LMBRD1: variants seen among roughly 807,000 people sequenced by gnomAD.
The protein encoded by LMBRD1 is lysosomal cobalamin transport escort protein LMBD1.
In LMBRD1, 64 loss-of-function variants were observed where a neutral mutation model predicts 74.8. That is an observed-to-expected ratio of 0.86 (90% CI 0.70 to 1.05). The LOEUF (loss-of-function observed/expected upper bound fraction) is 1.05, where lower values mean the gene tolerates loss of function less well. LMBRD1 is among the 50% of genes least tolerant of loss of function. LMBRD1 has a pLI of 0.00. For missense variants in LMBRD1, 652 were observed against 645.9 expected (o/e 1.01, Z -0.10); for synonymous variants, 204 against 216.3 (o/e 0.94, Z 0.50).
At chr6:69,760,960 C>T (rs1336297544) in intron 3 of LMBRD1, among the ~76,000 whole-genome samples, 1 of 152,168 alleles carries the variant, frequency 6.6e-6, no homozygotes, top group Non-Finnish European at 1.5e-5. Context: ...TACAGTCCCA[C>T]CAGACATCTT....
intron 3 of LMBRD1, among the ~76,000 whole-genome samples, chr6:69,776,784 T>G (rs1188238493): frequency 6.6e-6 from 1 of 152,196 alleles, no homozygotes; most frequent in Non-Finnish European, 1.5e-5. Flanking sequence ...TTTTTAGTAA[T>G]AGATTCACAG....
rs73477459 is a variant in LMBRD1 at position 69,700,823 on chromosome 6, A to G, written c.1130T>C (p.Phe377Ser). The change falls in exon 12 of 16, where the codon TTT becomes TCT. Residue 377 changes from phenylalanine (F) to serine (S), a missense_variant. This residue lies in a region of LMBRD1 where 598 missense variants were observed against 581.8 expected (regional missense o/e 1.03). Transcript: ENST00000649934. ...YILITIIIMYFIFTSMAGIRN... is the reference protein window; with the variant it reads ...YILITIIIMYSIFTSMAGIRN... The stretch of plus-strand genomic sequence containing the variant: ...AATTCCTGCCATTGAAGTAAAAATA[A>G]AGTACATAATAATAATTGTTATAAG... The G allele has an allele frequency of 8.1e-5, 121 of 1,497,326 alleles. No individual in the cohort carries two copies. The African/African-American group carries it at 1.6e-3, about 20-fold the overall frequency. The allele number at this position is 1,497,326 out of a possible 1,614,324, so 92.8% of individuals were successfully genotyped here. A position where few individuals can be genotyped will look rare whatever the true frequency, so the allele number is the denominator to read the frequency against.
At chr6:69,705,969 T>G (rs1766245163) in intron 9 of LMBRD1, 2 of 943,858 alleles carry the variant, frequency 2.1e-6, no homozygotes, top group Non-Finnish European at 1.7e-6. Context: ...TGTAATACAC[T>G]GCCTCTGCTT....
At chr6:69,743,465 C>A (rs574299721) in intron 5 of LMBRD1, among the ~76,000 whole-genome samples, 5 of 152,256 alleles carry the variant, frequency 3.3e-5, no homozygotes, top group Non-Finnish European at 7.4e-5. Context: ...GCAGAATTAT[C>A]TAGCAGTTCA....
At chr6:69,699,639 T>G (rs145720969) in intron 12 of LMBRD1, among the ~76,000 whole-genome samples, 2 of 151,950 alleles carry the variant, frequency 1.3e-5, no homozygotes, top group African/African-American at 4.8e-5. Flanking sequence ...ACTCTGATAA[T>G]CTTACTAAAG....
chr6:69,680,270 T>G (rs1205983488), intron 14 of LMBRD1, among the ~76,000 whole-genome samples: 3 of 152,178 alleles, frequency 2.0e-5, no homozygotes, highest in African/African-American at 7.2e-5. Flanking sequence ...ATTTTACAAG[T>G]ATAAGCCTGT....
At chr6:69,728,081 G>A (rs976450383) in intron 7 of LMBRD1, among the ~76,000 whole-genome samples, 2 of 152,118 alleles carry the variant, frequency 1.3e-5, no homozygotes, top group Non-Finnish European at 2.9e-5. Flanking sequence ...AACTGTACAG[G>A]AAGCATGGTT....
intron 14 of LMBRD1, among the ~76,000 whole-genome samples, chr6:69,693,820 C>T (rs563320471): frequency 5.3e-5 from 8 of 151,952 alleles, no homozygotes; most frequent in African/African-American, 1.4e-4. Flanking sequence ...TTATTATTCA[C>T]TTAAAAAAAC....
chr6:69,676,164 A>T lies in LMBRD1; in HGVS notation c.1617T>A (p.Ser539=). 6.2e-7 allele frequency: 1 copy of T among 1,610,106 alleles called. No individual in the cohort carries two copies. Among genetic ancestry groups the T allele is most frequent in the South Asian group, 1.1e-5 (1 of 91,026 alleles). The change falls in exon 16 of 16, where the codon TCT becomes TCA. Residue 539 remains serine, a synonymous_variant. Transcript: ENST00000649934. ...DISDDEPSVY[S]A is the part of the protein sequence containing the mutation. ...CCTTTAAGACAGAAGGCTGTCAAGC[A>T]GAATAGACAGAGGGCTCATCATCAC...
At chr6:69,752,002 G>C (rs575231987) in intron 4 of LMBRD1, among the ~76,000 whole-genome samples, 18 of 152,240 alleles carry the variant, frequency 1.2e-4, no homozygotes, top group Non-Finnish European at 2.4e-4. Flanking sequence ...AAATTTCAAA[G>C]ACTTAGTGTG....
intron 3 of LMBRD1, among the ~76,000 whole-genome samples, chr6:69,779,812 T>C (rs1176763297): frequency 1.3e-5 from 2 of 152,246 alleles, no homozygotes; most frequent in Non-Finnish European, 2.9e-5. Flanking sequence ...GTTTCAAAAT[T>C]AAAAGTTTAT....
Position 69,737,928 on chromosome 6 carries a change from C to A in LMBRD1, c.636+14G>T, listed in dbSNP as rs376670737. 6.0e-4 allele frequency: 951 copies of A among 1,584,702 alleles called. 16 individuals carry two copies. The South Asian group carries it at 9.0e-3, about 15-fold the overall frequency. ...ATAAGGCAATTTTAACTCAATTATCCCCATTTCACTTACTGTGTAAGTTAT... is the reference window on the plus strand; with the variant it reads ...ATAAGGCAATTTTAACTCAATTATCACCATTTCACTTACTGTGTAAGTTAT... On this transcript the variant is annotated intron_variant, in intron 7 of 15. Transcript: ENST00000649934.
At chr6:69,757,817 T>C (rs1335999426) in intron 3 of LMBRD1, among the ~76,000 whole-genome samples, 1 of 152,206 alleles carries the variant, frequency 6.6e-6, no homozygotes, top group East Asian at 1.9e-4. Context: ...CTTTTACTTA[T>C]AAATGTTTTT....
At chr6:69,704,337 T>C (rs918063215) in intron 9 of LMBRD1, among the ~76,000 whole-genome samples, 2 of 152,112 alleles carry the variant, frequency 1.3e-5, no homozygotes, top group Non-Finnish European at 2.9e-5. Context: ...ATTGCTTCTA[T>C]ATTTATTTGT....
rs886061689 is a variant in LMBRD1, at chr6:69,676,033, T to C, written c.*125A>G. The stretch of plus-strand genomic sequence containing the variant: ...CAGAAAACATATAATAAAATATAGT[T>C]GTCTTATAGCCATGCTCCCATTTTT... On this transcript the variant is annotated 3_prime_UTR_variant, in exon 16 of 16. Transcript: ENST00000649934. 2.4e-4 allele frequency: 169 copies of C among 715,594 alleles called. No homozygotes were observed. Among genetic ancestry groups the C allele is most frequent in the Non-Finnish European group, 4.7e-5 (19 of 401,962 alleles). The allele number at this position is 715,594 out of a possible 1,614,324, so 44.3% of individuals were successfully genotyped here.
At chr6:69,769,729 C>A (rs1226781877) in intron 3 of LMBRD1, among the ~76,000 whole-genome samples, 1 of 128,630 alleles carries the variant, frequency 7.8e-6, no homozygotes, top group African/African-American at 3.2e-5. Flanking sequence ...TTTTTTTTAA[C>A]GATTTTTTTA....
chr6:69,757,795 C>G (rs1765298106), intron 3 of LMBRD1, among the ~76,000 whole-genome samples: 1 of 152,144 alleles, frequency 6.6e-6, no homozygotes, highest in South Asian at 2.1e-4. Flanking sequence ...CCTAACATCT[C>G]TATAAAATAT....
At chr6:69,744,611 A>G (rs776755707) in intron 5 of LMBRD1, among the ~76,000 whole-genome samples, 8 of 152,248 alleles carry the variant, frequency 5.3e-5, no homozygotes, top group South Asian at 2.1e-4. Context: ...TGAATTCAGC[A>G]TAACTGAAAA....
In LMBRD1 at chr6:69,676,140, C is replaced by G. The variant is rs1489913897; in HGVS notation, c.*18G>C. 2 of 1,584,968 alleles carry G rather than the reference C, an allele frequency of 1.3e-6. No homozygotes were observed. The highest frequency in any genetic ancestry group is 8.7e-7 in the Non-Finnish European group (1 of 1,153,898). On this transcript the variant is annotated 3_prime_UTR_variant, in exon 16 of 16. Transcript: ENST00000649934. ...AGATATTCAGTCAGCATTATAAAACCTTTAAGACAGAAGGCTGTCAAGCAG... is the reference window on the plus strand; with the variant it reads ...AGATATTCAGTCAGCATTATAAAACGTTTAAGACAGAAGGCTGTCAAGCAG...
Sources: gnomAD v4.1 joint callset for allele counts (sites outside exome capture counted in the v4.1 genomes callset) on GRCh38, gnomAD v4.1.1 for gene constraint, gnomAD v4.1.1 regional missense constraint, MANE v1.5 for transcripts, NCBI Gene and HGNC (gene_info 2026-07-23, HGNC 2026-07-21) for gene names.